Variants in GPC5 observed in about 807,000 individuals in gnomAD.
GPC5 encodes the protein glypican 5, also known as glypican-5.
A neutral mutation model predicts 53.9 loss-of-function variants in GPC5; 47 were observed. That is an observed-to-expected ratio of 0.87 (90% CI 0.69 to 1.11). The LOEUF (loss-of-function observed/expected upper bound fraction) is 1.11, where lower values mean the gene tolerates loss of function less well. GPC5 is among the 50% of genes most tolerant of loss of function. The pLI, the probability that GPC5 is intolerant of heterozygous loss-of-function variation, is 0.00. For missense variants in GPC5, 748 were observed against 713.1 expected, an observed-to-expected ratio of 1.05 and a Z score of -0.56; for synonymous variants, 286 against 263.3, an observed-to-expected ratio of 1.09 and a Z score of -0.84.
At chr13:92,635,073 A>G (rs1885370311) in intron 7 of GPC5, among the ~76,000 whole-genome samples, 3 of 152,120 alleles carry the variant, frequency 2.0e-5, no homozygotes, top group South Asian at 4.1e-4. Flanking sequence ...ATACATTTAT[A>G]GTTCTTATAA....
In GPC5 at chr13:92,663,717, A is replaced by G. The variant is rs747832351; in HGVS notation, c.1562-202565A>G. ...TATATATATTATATATCTACTATAT[A>G]TATCTACTAAATATATCTACTATAT... On this transcript the variant is annotated intron_variant, in intron 7 of 7. Coordinates refer to ENST00000377067, the MANE Select transcript of GPC5 (RefSeq NM_004466.6). Among the ~76,000 whole-genome samples the G allele has an allele frequency of 3.9e-5, 5 of 127,504 alleles. 1 individual carries two copies. The Middle Eastern group carries it at 0.013, about 330-fold the overall frequency. 83.6% of individuals were successfully genotyped at this position (127,504 alleles called of 152,430 possible).
chr13:92,235,642 G>A (rs542830075), intron 7 of GPC5, among the ~76,000 whole-genome samples: 3 of 152,180 alleles, frequency 2.0e-5, no homozygotes, highest in South Asian at 4.1e-4. Context: ...GGAGAGAAAC[G>A]TCTTAAATGA....
intron 2 of GPC5, among the ~76,000 whole-genome samples, chr13:91,583,586 G>A (rs539662865): frequency 5.1e-5 from 6 of 117,708 alleles, no homozygotes; most frequent in South Asian, 3.3e-4. Flanking sequence ...CAGAATAATC[G>A]CAATCAAAAT....
chr13:92,568,467 C>T (rs1238525629), intron 7 of GPC5, among the ~76,000 whole-genome samples: 1 of 152,158 alleles, frequency 6.6e-6, no homozygotes, highest in Non-Finnish European at 1.5e-5. Context: ...ATGACAAAGA[C>T]ATTTCCAGCT....
chr13:91,801,591 G>A (rs2138777419), intron 5 of GPC5, among the ~76,000 whole-genome samples: 1 of 152,236 alleles, frequency 6.6e-6, no homozygotes, highest in Non-Finnish European at 1.5e-5. Flanking sequence ...AGAAACATAA[G>A]TGGTTAATTG....
chr13:92,238,211 T>TATGTTTAACCTTTTGAG (rs1158719668), intron 7 of GPC5, among the ~76,000 whole-genome samples: 4 of 151,976 alleles, frequency 2.6e-5, no homozygotes, highest in African/African-American at 9.7e-5. Context: ...GTGATAAGGT[T>TATGTTTAACCTTTTGAG]ATGTTTAACC....
chr13:91,511,904 A>C (rs1309183353), intron 2 of GPC5, among the ~76,000 whole-genome samples: 1 of 152,024 alleles, frequency 6.6e-6, no homozygotes, highest in Non-Finnish European at 1.5e-5. Flanking sequence ...ATAATTTTTA[A>C]TTTTATAAAA....
At chr13:91,562,188 TAAAAA>T (rs10603242) in intron 2 of GPC5, among the ~76,000 whole-genome samples, 11,532 of 45,970 alleles carry the variant, frequency 0.25, 586 homozygotes, top group South Asian at 0.4. Flanking sequence ...GGAGCAACAG[TAAAAA>T]AAAAAAAAAA....
chr13:92,330,013 T>TA (rs398117740), intron 7 of GPC5, among the ~76,000 whole-genome samples: 7 of 152,056 alleles, frequency 4.6e-5, no homozygotes, highest in Non-Finnish European at 8.8e-5. Flanking sequence ...ACTTTTTTTT[T>TA]AAATGCATAT....
intron 7 of GPC5, among the ~76,000 whole-genome samples, chr13:92,455,859 A>G (rs1036307626): frequency 2.0e-5 from 3 of 152,194 alleles, no homozygotes; most frequent in African/African-American, 7.2e-5. Context: ...GAAATGTTCA[A>G]ACTCACTGCA....
At chr13:91,509,875 A>G (rs1255892605) in intron 2 of GPC5, among the ~76,000 whole-genome samples, 1 of 152,154 alleles carries the variant, frequency 6.6e-6, no homozygotes, top group Non-Finnish European at 1.5e-5. Flanking sequence ...TATAAAATGA[A>G]TTAATAATTT....
intron 6 of GPC5, among the ~76,000 whole-genome samples, chr13:92,057,765 A>T (rs1434539877): frequency 6.6e-6 from 1 of 152,104 alleles, no homozygotes; most frequent in African/African-American, 2.4e-5. Context: ...GGCTAATAGT[A>T]CCCTTACAAG....
intron 7 of GPC5, among the ~76,000 whole-genome samples, chr13:92,434,614 G>T (rs1473917544): frequency 6.6e-6 from 1 of 152,118 alleles, no homozygotes; most frequent in East Asian, 1.9e-4. Context: ...TCTCATTGTG[G>T]TTTAAATCTG....
At chr13:92,826,650 G>T (rs1877857588) in intron 7 of GPC5, among the ~76,000 whole-genome samples, 1 of 152,056 alleles carries the variant, frequency 6.6e-6, no homozygotes, top group Admixed American at 6.6e-5. Flanking sequence ...AGAATTTTGG[G>T]GTCATTAGGT....
chr13:92,479,043 C>T (rs1350716348), intron 7 of GPC5, among the ~76,000 whole-genome samples: 2 of 152,038 alleles, frequency 1.3e-5, no homozygotes, highest in Non-Finnish European at 2.9e-5. Flanking sequence ...ATATGTACCT[C>T]CAATATTCTG....
chr13:92,195,644 A>ATGCC (rs2042251736), intron 7 of GPC5, among the ~76,000 whole-genome samples: 1 of 152,210 alleles, frequency 6.6e-6, no homozygotes. Context: ...ACTGATTTAG[A>ATGCC]ATCATAACTG....
intron 2 of GPC5, among the ~76,000 whole-genome samples, chr13:91,571,873 A>G (rs1232380944): frequency 8.9e-6 from 1 of 112,240 alleles, no homozygotes; most frequent in Non-Finnish European, 1.8e-5. Flanking sequence ...GTGTGTATAT[A>G]TACACACATA....
intron 6 of GPC5, among the ~76,000 whole-genome samples, chr13:92,007,464 T>C (rs1486431926): frequency 6.6e-6 from 1 of 152,194 alleles, no homozygotes. Flanking sequence ...CTTTTGTCAT[T>C]ATAAAGAGTC....
At chr13:91,421,869 A>G (rs933211309) in intron 1 of GPC5, among the ~76,000 whole-genome samples, 2 of 152,272 alleles carry the variant, frequency 1.3e-5, no homozygotes, top group African/African-American at 4.8e-5. Flanking sequence ...TTTACAAAGT[A>G]TATGTACTCT....
Sources: gnomAD v4.1 joint callset for allele counts (sites outside exome capture counted in the v4.1 genomes callset) on GRCh38, gnomAD v4.1.1 for gene constraint, MANE v1.5 for transcripts, NCBI Gene and HGNC (gene_info 2026-07-23, HGNC 2026-07-21) for gene names.